The following HERC2 variants were observed in gnomAD, a reference collection of about 807,000 sequenced individuals.
HERC2 encodes the protein E3 ubiquitin-protein ligase HERC2.
HERC2 carries 102 observed loss-of-function variants against 537.7 expected under a neutral mutation model. That is an observed-to-expected ratio of 0.19 (90% CI 0.16 to 0.22). The LOEUF (loss-of-function observed/expected upper bound fraction) is 0.22. HERC2 is among the 10% of genes least tolerant of loss of function. The pLI is 1.00. For missense variants in HERC2, 4,236 were observed against 6,198.2 expected, an observed-to-expected ratio of 0.68 and a Z score of 10.63; for synonymous variants, 2,224 against 2,466.2, an observed-to-expected ratio of 0.90 and a Z score of 2.91.
intron 43 of HERC2, among the ~76,000 whole-genome samples, chr15:28,212,020 GT>G (rs1282667316): frequency 6.6e-6 from 1 of 152,202 alleles, no homozygotes; most frequent in Non-Finnish European, 1.5e-5. Flanking sequence ...TACAGTCACA[GT>G]CTTAGCCATC....
At position 28,117,131 on chromosome 15, in the gene HERC2, G is replaced by A. The variant is rs754008337; in HGVS notation, c.13296C>T (p.Gly4432=). 6.2e-6 allele frequency: 10 copies of A among 1,613,826 alleles called. No homozygotes were observed. In the African/African-American group the frequency reaches 8.0e-5, roughly 13 times the overall value. Residue 4432 remains glycine (G), a synonymous_variant, in exon 87 of 93, where the codon GGC becomes GGT. Coordinates refer to ENST00000261609, the MANE Select transcript of HERC2 (RefSeq NM_004667.6). ...RIQVKRSRSK[G]GLAGPDGTKS... is the part of the protein sequence containing the mutation. ...TGGTGCCGTCGGGGCCGGCCAGCCC[G>A]CCTTTGCTCCTTGATCGTTTGACCT...
chr15:28,198,975 C>T (rs1418605025), intron 48 of HERC2, among the ~76,000 whole-genome samples: 1 of 152,024 alleles, frequency 6.6e-6, no homozygotes, highest in African/African-American at 2.4e-5. Flanking sequence ...TGGCGAAACC[C>T]ACCTCTACCA....
intron 4 of HERC2, among the ~76,000 whole-genome samples, chr15:28,290,063 C>G (rs1169568107): frequency 6.6e-6 from 1 of 152,256 alleles, no homozygotes; most frequent in Non-Finnish European, 1.5e-5. Flanking sequence ...CATCTCTCCC[C>G]ACTTTGCCTG....
At chr15:28,200,335 T>C (rs1897781682) in intron 48 of HERC2, among the ~76,000 whole-genome samples, 1 of 151,770 alleles carries the variant, frequency 6.6e-6, no homozygotes, top group South Asian at 2.1e-4. Flanking sequence ...GCGGAGCTTG[T>C]AGTGAGCTGA....
intron 3 of HERC2, among the ~76,000 whole-genome samples, chr15:28,295,706 T>C (rs2076451114): frequency 6.6e-6 from 1 of 152,184 alleles, no homozygotes; most frequent in Admixed American, 6.5e-5. Context: ...CCACCGTATT[T>C]TATAGTTTTT....
chr15:28,119,086 A>G (rs1888593261), intron 86 of HERC2, among the ~76,000 whole-genome samples: 1 of 151,580 alleles, frequency 6.6e-6, no homozygotes, highest in Admixed American at 6.6e-5. Flanking sequence ...TGGCCAACAC[A>G]GTGAAACCCT....
chr15:28,304,605 C>T (rs1010824749), intron 2 of HERC2, among the ~76,000 whole-genome samples: 2 of 151,958 alleles, frequency 1.3e-5, no homozygotes, highest in African/African-American at 4.8e-5. Context: ...CTCAAGTGAT[C>T]CACTCACCTC....
In HERC2 at chr15:28,130,190, G is replaced by A. The variant is rs1478192563; in HGVS notation, c.12775C>T (p.Leu4259=). ...KKVIAIATGS[L]HCVCCTEDGE... is the part of the protein sequence containing the mutation. ...TCCTCTGTGCAGCACACACAGTGCA[G>A]GGAGCCAGTGGCGATGGCGATGACT... The change falls in exon 83 of 93, where the codon CTG becomes TTG. Residue 4259 remains leucine (L), a synonymous_variant. Transcript: ENST00000261609. 1.9e-6 allele frequency: 3 copies of A among 1,614,162 alleles called. No homozygotes were observed. Among genetic ancestry groups the A allele is most frequent in the East Asian group, 2.2e-5 (1 of 44,880 alleles).
At position 28,287,740 on chromosome 15, in the gene HERC2, G is replaced by GTTTTTTTTTTTTTTTTT. The variant is rs1461307820; in HGVS notation, c.322+5147_322+5148insAAAAAAAAAAAAAAAAA. Among the ~76,000 whole-genome samples the GTTTTTTTTTTTTTTTTT allele has an allele frequency of 5.0e-5, 7 of 141,046 alleles. 1 individual carries two copies. The highest frequency in any genetic ancestry group is 8.1e-5 in the African/African-American group (3 of 36,894). 92.5% of individuals were successfully genotyped at this position (141,046 alleles called of 152,430 possible). ...TCCTCTTTTTTTTTTTTTTTTTTTG[G>GTTTTTTTTTTTTTTTTT]TTTGAGATGGAGTCTCACCCTGTCA... is the stretch of plus-strand genomic sequence containing the variant. On this transcript the variant is annotated intron_variant, in intron 4 of 92. Transcript: ENST00000261609.
Position 28,196,265 on chromosome 15 carries a change from T to G in HERC2, c.8210A>C (p.Lys2737Thr). The change falls in exon 52 of 93, where the codon AAG (lysine) becomes ACG (threonine). Residue 2737 changes from lysine (K) to threonine (T), a missense_variant. Physicochemically the swap from Lys to Thr is moderately conservative, Grantham distance 78 (BLOSUM62 -1). This residue lies in a region of HERC2 where 606 missense variants were observed against 884.5 expected (regional missense o/e 0.69). Transcript: ENST00000261609. ...ATGCCTGGTATTGTGTTTTTTGGTC[T>G]TGAAACACGTTTCACAAAAATCAAA... is the stretch of plus-strand genomic sequence containing the variant. ...DDFDFCETCF[K>T]TKKHNTRHTF... The G allele has an allele frequency of 6.8e-7, 1 of 1,464,352 alleles. No individual in the cohort carries two copies. Among genetic ancestry groups the G allele is most frequent in the East Asian group, 2.3e-5 (1 of 43,954 alleles). 90.7% of individuals were successfully genotyped at this position (1,464,352 alleles called of 1,614,324 possible).
rs1321864657 is a variant in HERC2, at chr15:28,202,498, G to A, written c.7329C>T (p.Ile2443=). The change falls in exon 46 of 93, where the codon ATC becomes ATT. Residue 2443 remains isoleucine, a synonymous_variant. Coordinates refer to ENST00000261609, the MANE Select transcript of HERC2 (RefSeq NM_004667.6). ...EATTPVAVQH[I]RPARVKRRKQ... ...TGCGCCTCTTCACTCTGGCAGGGCG[G>A]ATGTGCTGCACGGCGACAGGCGTGG... 7.3e-7 allele frequency: 1 copy of A among 1,368,680 alleles called. No homozygotes were observed. 84.8% of individuals were successfully genotyped at this position (1,368,680 alleles called of 1,614,324 possible).
intron 2 of HERC2, among the ~76,000 whole-genome samples, chr15:28,302,345 TC>T (rs2076659221): frequency 6.6e-6 from 1 of 150,958 alleles, no homozygotes; most frequent in African/African-American, 2.4e-5. Flanking sequence ...AGTATCCCAT[TC>T]TTTTTCATGG....
chr15:28,251,611 G>A (rs1474238527), intron 20 of HERC2, among the ~76,000 whole-genome samples: 2 of 152,116 alleles, frequency 1.3e-5, no homozygotes, highest in Admixed American at 6.5e-5. Context: ...GACCAGCCTG[G>A]CCAACATGGT....
chr15:28,152,113 G>T (rs1202875135), intron 70 of HERC2, among the ~76,000 whole-genome samples: 1 of 152,166 alleles, frequency 6.6e-6, no homozygotes, highest in Non-Finnish European at 1.5e-5. Flanking sequence ...CAAAAGGGGC[G>T]GAACTTATGG....
intron 26 of HERC2, among the ~76,000 whole-genome samples, chr15:28,235,107 C>A (rs1162961467): frequency 6.6e-6 from 1 of 151,962 alleles, no homozygotes; most frequent in East Asian, 1.9e-4. Flanking sequence ...AAATACTGCT[C>A]CAAATCCAAG....
At chr15:28,315,537 G>C (rs1336418182) in intron 2 of HERC2, 1 of 420,724 alleles carries the variant, frequency 2.4e-6, no homozygotes, top group African/African-American at 2.0e-5. Flanking sequence ...GTTCATGCTT[G>C]TACTCCCAGC....
Position 28,213,884 on chromosome 15 carries a change from C to T in HERC2, c.6644G>A (p.Gly2215Asp), listed in dbSNP as rs1555428593. 1.2e-6 allele frequency: 2 copies of T among 1,614,068 alleles called. No individual in the cohort carries two copies. Among genetic ancestry groups the T allele is most frequent in the Non-Finnish European group, 1.7e-6 (2 of 1,180,000 alleles). ...AACTTGACCGCCCAGGCGCAGGCGA[C>T]CATCGATGCCTCCAATCACAGCCAG... is the stretch of plus-strand genomic sequence containing the variant. ...AVLAVIGGID[G>D]RLRLGGQVMH... Residue 2215 changes from glycine to aspartate, a missense_variant, in exon 42 of 93, where the codon GGT (glycine) becomes GAT (aspartate). By Grantham distance (94) the Gly-to-Asp change is moderately conservative. This residue lies in a region of HERC2 where 365 missense variants were observed against 468.8 expected (regional missense o/e 0.78). Coordinates refer to ENST00000261609, the MANE Select transcript of HERC2 (RefSeq NM_004667.6).
chr15:28,202,802 G>A, intron 45 of HERC2, 188 bp from the exon 46 acceptor site: 2 of 183,930 alleles, frequency 1.1e-5, no homozygotes, highest in South Asian at 5.5e-5. Context: ...CAAGTTTCAC[G>A]GTTTAATGCA....
chr15:28,321,969 C>T (rs2077242606), intron 1 of HERC2, 106 bp downstream of exon 1: 1 of 123,110 alleles, frequency 8.1e-6, no homozygotes, highest in Non-Finnish European at 1.6e-5. Flanking sequence ...CGCGCAGGCC[C>T]CGGTGCGGCC....
Sources: gnomAD v4.1 joint callset for allele counts (sites outside exome capture counted in the v4.1 genomes callset) on GRCh38, gnomAD v4.1.1 for gene constraint, gnomAD v4.1.1 regional missense constraint, MANE v1.5 for transcripts, NCBI Gene and HGNC (gene_info 2026-07-23, HGNC 2026-07-21) for gene names.